The following GNE variants were observed in gnomAD, a reference collection of about 807,000 sequenced individuals.
GNE encodes the protein bifunctional UDP-N-acetylglucosamine 2-epimerase/N-acetylmannosamine kinase.
A neutral mutation model predicts 61.8 loss-of-function variants in GNE; 41 were observed. The ratio of observed to expected loss-of-function variants is 0.66; its 90% confidence interval spans 0.52 to 0.86. GNE has a LOEUF of 0.86. GNE is among the 40% of genes least tolerant of loss of function. GNE has a pLI of 0.00. For synonymous variants in GNE, 264 were observed against 326.4 expected (o/e 0.81, Z 2.06); for missense variants, 608 against 909.1 (o/e 0.67, Z 4.26).
chr9:36,255,829 A>T (rs2133152843), intron 1 of GNE, among the ~76,000 whole-genome samples: 1 of 151,830 alleles, frequency 6.6e-6, no homozygotes, highest in Middle Eastern at 3.4e-3. Flanking sequence ...TAGGTGACAG[A>T]TGGATGGATG....
intron 10 of GNE, 59 bp downstream of exon 10, chr9:36,219,779 C>T: frequency 4.1e-6 from 6 of 1,454,374 alleles, no homozygotes; most frequent in Non-Finnish European, 5.8e-6. Context: ...TTGGAATTTC[C>T]ACTTTGAAGT....
intron 1 of GNE, among the ~76,000 whole-genome samples, chr9:36,275,634 A>G (rs146188296): frequency 6.6e-6 from 1 of 152,338 alleles, no homozygotes; most frequent in Non-Finnish European, 1.5e-5. Flanking sequence ...TAGAACAACT[A>G]TTACTTTCAT....
In GNE at chr9:36,256,529, G is replaced by A. The variant is rs529199035; in HGVS notation, c.-43+1792C>T. Among the ~76,000 whole-genome samples, 79 of 152,256 alleles carry A rather than the reference G, an allele frequency of 5.2e-4. 3 individuals are homozygous for A. In the South Asian group the frequency reaches 8.5e-3, roughly 16 times the overall value. ...CAAAGTGCTGGGATTACAAGCGTGA[G>A]CCACCACGCCCGGCAGAAACCCAAA... On this transcript the variant is annotated intron_variant, in intron 1 of 11. Transcript: ENST00000642385.
upstream of GNE, among the ~76,000 whole-genome samples, chr9:36,258,780 G>T (rs66464053): frequency 0.1 from 15,215 of 152,238 alleles, 1,042 homozygotes; most frequent in South Asian, 0.2. Context: ...CACCCAAGGA[G>T]GGATTTCTTG....
At chr9:36,251,931 G>A (rs577344360) in intron 1 of GNE, among the ~76,000 whole-genome samples, 3 of 150,692 alleles carry the variant, frequency 2.0e-5, no homozygotes, top group African/African-American at 7.3e-5. Context: ...ACAATATAAC[G>A]AAACGGGCAT....
upstream of GNE, among the ~76,000 whole-genome samples, chr9:36,261,080 C>A (rs959347658): frequency 1.2e-4 from 18 of 152,036 alleles, no homozygotes; most frequent in Admixed American, 3.9e-4. Context: ...GCACCTCTGA[C>A]TTCTGCCTCC....
intron 1 of GNE, among the ~76,000 whole-genome samples, chr9:36,252,836 T>C (rs946389643): frequency 7.2e-5 from 11 of 152,204 alleles, no homozygotes; most frequent in Admixed American, 5.9e-4. Context: ...AAGCAGTTAC[T>C]GGTTTCCTAT....
rs549229207 is a variant in GNE, at chr9:36,257,380, G to T, written c.-43+941C>A. 3.3e-5 allele frequency among the ~76,000 whole-genome samples: 5 copies of T among 152,254 alleles called. No individual in the cohort carries two copies. In the South Asian group the frequency reaches 1.0e-3, roughly 32 times the overall value. ...GGCCCCATTCCGACGCTATAATTCG[G>T]TTTGGCTTCAACTGCGGCGCTCCTA... On this transcript the variant is annotated intron_variant, in intron 1 of 11. Transcript: ENST00000642385.
chr9:36,238,450 G>A (rs958190276), intron 3 of GNE, among the ~76,000 whole-genome samples: 4 of 152,324 alleles, frequency 2.6e-5, no homozygotes, highest in South Asian at 4.1e-4. Context: ...TCTTACAGGA[G>A]TAAGGCGGCA....
At chr9:36,260,281 T>TAAA (rs538107305), upstream of GNE, among the ~76,000 whole-genome samples, 16 of 123,580 alleles carry the variant, frequency 1.3e-4, no homozygotes, top group African/African-American at 3.0e-4. Flanking sequence ...CCTCATCTCT[T>TAAA]AAAAAAAAAA....
In GNE at chr9:36,246,166, T is replaced by C. The variant is rs1292723201; in HGVS notation, c.481A>G (p.Thr161Ala). 6.2e-7 allele frequency: 1 copy of C among 1,613,920 alleles called. No individual in the cohort carries two copies. The highest frequency in any genetic ancestry group is 1.1e-5 in the South Asian group (1 of 91,084). The change falls in exon 3 of 12, where the codon ACC becomes GCC. Residue 161 changes from threonine to alanine, a missense_variant. Coordinates refer to ENST00000642385, the MANE Select transcript of GNE (RefSeq NM_005476.7). Reference protein sequence around the residue: ...TKLAHYHVCCTRSAEQHLISM... With the variant: ...TKLAHYHVCCARSAEQHLISM... ...ATCAGGTGCTGCTCTGCACTGCGGG[T>C]GCAGCACACATGATAATGAGCCAGT...
At chr9:36,234,736 C>T (rs1421157925) in intron 4 of GNE, among the ~76,000 whole-genome samples, 1 of 152,116 alleles carries the variant, frequency 6.6e-6, no homozygotes, top group Non-Finnish European at 1.5e-5. Flanking sequence ...TCCTAACTAC[C>T]CCATACCTAG....
chr9:36,252,498 G>A (rs1003089078), intron 1 of GNE, among the ~76,000 whole-genome samples: 1 of 152,126 alleles, frequency 6.6e-6, no homozygotes. Context: ...GTACTAAAAT[G>A]CTTATTTACC....
At position 36,234,062 on chromosome 9, in the gene GNE, T is replaced by C; in HGVS notation, c.840A>G (p.Lys280=). The C allele has an allele frequency of 6.8e-6, 11 of 1,614,096 alleles. No individual in the cohort carries two copies. The highest frequency in any genetic ancestry group is 9.3e-6 in the Non-Finnish European group (11 of 1,179,940). Residue 280 remains lysine, a synonymous_variant, in exon 5 of 12, where the codon AAA becomes AAG. Coordinates refer to ENST00000642385, the MANE Select transcript of GNE (RefSeq NM_005476.7). ...IEHHPNFRAV[K]HVPFDQFIQL... ...GTATAAACTGGTCAAATGGGACGTG[T>C]TTAACTGCACGAAAGTTGGGATGAT...
In GNE at chr9:36,246,374, G is replaced by A; in HGVS notation, c.273C>T (p.Ala91=). The stretch of plus-strand genomic sequence containing the variant: ...TAAGGACATCTGGCAGCTTCACTAG[G>A]GCCAGGCCTACTGACTCCACCATGG... The part of the protein sequence containing the change: ...EAAMVESVGL[A]LVKLPDVLNR... The change falls in exon 3 of 12, where the codon GCC becomes GCT. Residue 91 remains alanine (A), a synonymous_variant. Coordinates refer to ENST00000642385, the MANE Select transcript of GNE (RefSeq NM_005476.7). 1 of 1,613,684 alleles carries A rather than the reference G, an allele frequency of 6.2e-7. No individual in the cohort carries two copies. The highest frequency in any genetic ancestry group is 1.3e-5 in the African/African-American group (1 of 75,026).
intron 1 of GNE, among the ~76,000 whole-genome samples, chr9:36,276,475 G>C (rs764548414): frequency 5.9e-5 from 9 of 152,100 alleles, no homozygotes; most frequent in Admixed American, 1.3e-4. Flanking sequence ...AAATAACTGA[G>C]GGAAAAGAAG....
At chr9:36,250,158 G>A (rs116364327) in intron 1 of GNE, among the ~76,000 whole-genome samples, 5 of 152,160 alleles carry the variant, frequency 3.3e-5, no homozygotes, top group African/African-American at 1.2e-4. Context: ...CACAGGTCTT[G>A]AGAGGGAAAA....
chr9:36,255,921 A>G (rs143453466), intron 1 of GNE, among the ~76,000 whole-genome samples: 47 of 152,186 alleles, frequency 3.1e-4, no homozygotes, highest in African/African-American at 1.1e-3. Flanking sequence ...GAAAAACCCA[A>G]TTCTTGTTTG....
At position 36,239,720 on chromosome 9, in the gene GNE, G is replaced by A. The variant is rs139008525; in HGVS notation, c.617-2736C>T. Among the ~76,000 whole-genome samples the A allele has an allele frequency of 2.8e-3, 423 of 151,978 alleles. 3 individuals carry two copies. The highest frequency in any genetic ancestry group is 9.6e-3 in the African/African-American group (400 of 41,492). On this transcript the variant is annotated intron_variant, in intron 3 of 11. Transcript: ENST00000642385. ...ACTCCTGAACTCAAATGATCTGCCC[G>A]CCTTGGCCTCCCAAATTGCTGGGAT...
Sources: gnomAD v4.1 joint callset for allele counts (sites outside exome capture counted in the v4.1 genomes callset) on GRCh38, gnomAD v4.1.1 for gene constraint, MANE v1.5 for transcripts, NCBI Gene and HGNC (gene_info 2026-07-23, HGNC 2026-07-21) for gene names.